CTNNA2: variants seen among roughly 807,000 people sequenced by gnomAD.
The protein encoded by CTNNA2 is catenin alpha 2, also known as catenin alpha-2.
In CTNNA2, 42 loss-of-function variants were observed where a neutral mutation model predicts 101.0. The ratio of observed to expected loss-of-function variants is 0.42; its 90% CI spans 0.32 to 0.54. The LOEUF is 0.54. Ranked by LOEUF, CTNNA2 falls within the 20% of genes least tolerant of loss-of-function variation. CTNNA2 has a pLI of 0.14. For missense variants in CTNNA2, 871 were observed against 1,223.1 expected (o/e 0.71, Z 4.29); for synonymous variants, 450 against 456.4 (o/e 0.99, Z 0.18).
rs973307347 is a variant in CTNNA2 at position 79,635,976 on chromosome 2, G to T, written c.-5-15576G>T. Among the ~76,000 whole-genome samples, 7 of 151,252 alleles carry T rather than the reference G, an allele frequency of 4.6e-5. No individual in the cohort carries two copies. In the South Asian group the frequency reaches 1.3e-3, roughly 27 times the overall value. ...AGCGCTGAACTAAAGAAATAGATGT[G>T]GGGGGCCGGGTGCGGTGGCTCACGC... On this transcript the variant is annotated intron_variant, in intron 1 of 18. Transcript: ENST00000402739.
At chr2:80,232,276 A>G (rs1406638755) in intron 7 of CTNNA2, among the ~76,000 whole-genome samples, 1 of 141,780 alleles carries the variant, frequency 7.1e-6, no homozygotes, top group Non-Finnish European at 1.5e-5. Context: ...TCGTCCTCAT[A>G]TTTGACTTGG....
At chr2:80,459,609 CA>C (rs1447399696) in intron 9 of CTNNA2, among the ~76,000 whole-genome samples, 1 of 152,118 alleles carries the variant, frequency 6.6e-6, no homozygotes, top group Non-Finnish European at 1.5e-5. Context: ...AGCCTCCCCT[CA>C]TTGCCTTGAT....
intron 7 of CTNNA2, among the ~76,000 whole-genome samples, chr2:80,336,510 C>A (rs1171936240): frequency 3.3e-5 from 5 of 152,156 alleles, no homozygotes; most frequent in African/African-American, 1.2e-4. Context: ...TACACTTCAC[C>A]TTATGCAGAT....
intron 3 of CTNNA2, among the ~76,000 whole-genome samples, chr2:79,345,664 GTT>G (rs1190813829): frequency 6.6e-6 from 1 of 151,964 alleles, no homozygotes; most frequent in African/African-American, 2.4e-5. Context: ...AAATTGTGGG[GTT>G]TTTTGTTTGT....
chr2:80,081,342 A>C (rs1363891015), intron 7 of CTNNA2, among the ~76,000 whole-genome samples: 1 of 151,506 alleles, frequency 6.6e-6, no homozygotes, highest in Non-Finnish European at 1.5e-5. Context: ...TCATAAACTA[A>C]TGAATTTAAA....
intron 9 of CTNNA2, among the ~76,000 whole-genome samples, chr2:80,520,540 T>G (rs1689457595): frequency 6.6e-6 from 1 of 152,144 alleles, no homozygotes; most frequent in Non-Finnish European, 1.5e-5. Flanking sequence ...ATGGTCGGGT[T>G]CTGATGAGGG....
intron 15 of CTNNA2, among the ~76,000 whole-genome samples, chr2:80,597,924 A>C (rs532137327): frequency 6.6e-6 from 1 of 152,162 alleles, no homozygotes; most frequent in Non-Finnish European, 1.5e-5. Context: ...TTACTCAAAG[A>C]TCTAGAACCA....
At chr2:79,696,646 C>T (rs1045799783) in intron 2 of CTNNA2, among the ~76,000 whole-genome samples, 3 of 151,932 alleles carry the variant, frequency 2.0e-5, no homozygotes, top group Non-Finnish European at 2.9e-5. Context: ...CTCCTTCTTC[C>T]GCAGTACTCC....
chr2:80,512,423 C>T (rs1573087826), intron 9 of CTNNA2, among the ~76,000 whole-genome samples: 2 of 152,074 alleles, frequency 1.3e-5, no homozygotes, highest in South Asian at 4.1e-4. Flanking sequence ...GAGACTCTGG[C>T]TGTGTAGGTT....
intron 9 of CTNNA2, among the ~76,000 whole-genome samples, chr2:80,505,546 T>G (rs1688208503): frequency 6.6e-6 from 1 of 152,234 alleles, no homozygotes; most frequent in South Asian, 2.1e-4. Flanking sequence ...GCCTATGTCT[T>G]TCTTACATTG....
chr2:80,126,538 C>G (rs778798839), intron 7 of CTNNA2, among the ~76,000 whole-genome samples: 133 of 151,306 alleles, frequency 8.8e-4, no homozygotes, highest in Middle Eastern at 3.4e-3. Flanking sequence ...TCTTAGGTTA[C>G]TTTCTTCTTT....
In CTNNA2 at chr2:79,347,072, T is replaced by A. The variant is rs1374979646; in HGVS notation, c.-317-26759T>A. Among the ~76,000 whole-genome samples the A allele has an allele frequency of 2.0e-5, 3 of 152,280 alleles. No homozygotes were observed. In the East Asian group the frequency reaches 5.8e-4, roughly 29 times the overall value. ...AATATATCCATGGAACAAACCAGCA[T>A]GTGTACCCCCTAACCTAACATTTTA... On this transcript the variant is annotated intron_variant, in intron 3 of 21. Transcript: ENST00000466387.
chr2:80,635,806 C>G (rs1035666103), intron 18 of CTNNA2, among the ~76,000 whole-genome samples: 2 of 151,940 alleles, frequency 1.3e-5, no homozygotes, highest in African/African-American at 4.8e-5. Context: ...GAGACCATGG[C>G]TAGGATCAGT....
At chr2:80,040,956 T>C (rs1293588952) in intron 7 of CTNNA2, among the ~76,000 whole-genome samples, 1 of 152,212 alleles carries the variant, frequency 6.6e-6, no homozygotes, top group Non-Finnish European at 1.5e-5. Flanking sequence ...GCACAAGGAA[T>C]TGGTAGAGTG....
chr2:80,580,469 C>T (rs960106167), intron 13 of CTNNA2, among the ~76,000 whole-genome samples: 2 of 152,086 alleles, frequency 1.3e-5, no homozygotes, highest in Non-Finnish European at 2.9e-5. Context: ...TGTTTGGAGT[C>T]AGACACACCT....
chr2:79,535,992 C>G (rs527882597), intron 1 of CTNNA2, among the ~76,000 whole-genome samples: 1 of 152,270 alleles, frequency 6.6e-6, no homozygotes, highest in East Asian at 1.9e-4. Flanking sequence ...CTGATTTTGA[C>G]ATTTATAAGT....
At chr2:80,352,263 T>TA (rs964953988) in intron 7 of CTNNA2, among the ~76,000 whole-genome samples, 2 of 151,802 alleles carry the variant, frequency 1.3e-5, no homozygotes, top group Non-Finnish European at 2.9e-5. Flanking sequence ...AATAAAACAA[T>TA]AAAAAAAAGT....
At chr2:79,525,479 A>G (rs1672351920) in intron 1 of CTNNA2, among the ~76,000 whole-genome samples, 1 of 151,926 alleles carries the variant, frequency 6.6e-6, no homozygotes, top group Admixed American at 6.6e-5. Flanking sequence ...CATCATCTTA[A>G]AACCCTGTGA....
intron 9 of CTNNA2, among the ~76,000 whole-genome samples, chr2:80,441,521 A>G (rs1241932265): frequency 6.6e-6 from 1 of 152,208 alleles, no homozygotes; most frequent in African/African-American, 2.4e-5. Context: ...GCAAAAAAAT[A>G]TATAAAAGCA....
Sources: allele counts gnomAD v4.1 joint callset (sites outside exome capture counted in the v4.1 genomes callset), GRCh38; gene constraint gnomAD v4.1.1; transcripts MANE v1.5; gene names NCBI Gene and HGNC (gene_info 2026-07-23, HGNC 2026-07-21).